The following WWOX variants were observed in gnomAD, a reference collection of about 807,000 sequenced individuals.
WWOX encodes WW domain containing oxidoreductase, also known as WW domain-containing oxidoreductase.
WWOX carries 69 observed loss-of-function variants against 46.2 expected under a neutral mutation model. The observed-to-expected ratio is 1.49, with a 90% CI of 1.23 to 1.82. The LOEUF (loss-of-function observed/expected upper bound fraction) is 1.82, where lower values mean the gene tolerates loss of function less well. Ranked by LOEUF, WWOX falls within the 40% of genes most tolerant of loss-of-function variation. WWOX has a pLI of 0.00. For synonymous variants in WWOX, 359 were observed against 202.6 expected (o/e 1.77, Z -6.56); for missense variants, 919 against 542.6 (o/e 1.69, Z -6.89).
intron 5 of WWOX, among the ~76,000 whole-genome samples, chr16:78,203,373 G>T (rs2036291841): frequency 6.6e-6 from 1 of 152,102 alleles, no homozygotes; most frequent in Non-Finnish European, 1.5e-5. Context: ...TGATGGGTAG[G>T]TTCATTCAAA....
At chr16:78,891,352 A>G (rs2044586872) in intron 8 of WWOX, 3 of 152,052 alleles carry the variant, frequency 2.0e-5, no homozygotes. Context: ...ACTCTAAACG[A>G]TTGCGCTTCA....
chr16:78,360,803 T>A (rs1041126036), intron 5 of WWOX, among the ~76,000 whole-genome samples: 2 of 143,686 alleles, frequency 1.4e-5, no homozygotes, highest in African/African-American at 5.3e-5. Flanking sequence ...ATTTAATTGT[T>A]GTATCTCCTT....
chr16:78,711,867 C>G (rs1336595979), intron 8 of WWOX, among the ~76,000 whole-genome samples: 3 of 152,170 alleles, frequency 2.0e-5, no homozygotes, highest in South Asian at 2.1e-4. Flanking sequence ...ACACATCTTA[C>G]AAATTCCCTC....
At position 78,607,159 on chromosome 16, in the gene WWOX, C is replaced by G. The variant is rs143979055; in HGVS notation, c.1056+174407C>G. Among the ~76,000 whole-genome samples, 1,378 of 152,056 alleles carry G rather than the reference C, an allele frequency of 9.1e-3. 9 individuals are homozygous for G. Among genetic ancestry groups the G allele is most frequent in the Non-Finnish European group, 0.015 (1,036 of 67,974 alleles). ...TTAGTTAAAATACAAAATGAGAAAA[C>G]AGAAAACACAATAAATACACAGTTA... On this transcript the variant is annotated intron_variant, in intron 8 of 8. Coordinates refer to ENST00000566780, the MANE Select transcript of WWOX (RefSeq NM_016373.4).
At chr16:78,840,982 TG>T (rs2052126237) in intron 8 of WWOX, among the ~76,000 whole-genome samples, 1 of 152,100 alleles carries the variant, frequency 6.6e-6, no homozygotes, top group African/African-American at 2.4e-5. Context: ...TGGTGGCCTT[TG>T]GCACTTAGCA....
At chr16:78,181,769 T>G (rs974073227) in intron 5 of WWOX, among the ~76,000 whole-genome samples, 33 of 152,350 alleles carry the variant, frequency 2.2e-4, no homozygotes, top group Non-Finnish European at 4.3e-4. Context: ...TTCATTTATG[T>G]TGGATTATTG....
intron 8 of WWOX, among the ~76,000 whole-genome samples, chr16:78,929,380 T>C (rs1486698479): frequency 6.6e-6 from 1 of 152,142 alleles, no homozygotes; most frequent in East Asian, 1.9e-4. Context: ...GCTTGCCTTA[T>C]TTTTATAACA....
Position 78,358,979 on chromosome 16 carries a change from A to C in WWOX, c.517-27881A>C, listed in dbSNP as rs562257332. Among the ~76,000 whole-genome samples the C allele has an allele frequency of 2.6e-5, 4 of 151,490 alleles. No individual in the cohort carries two copies. In the South Asian group the frequency reaches 8.3e-4, roughly 32 times the overall value. On this transcript the variant is annotated intron_variant, in intron 5 of 8. Transcript: ENST00000566780. ...ACATTATAGCTTCATAACTTAGTAAATTAATCCCTTATTGCTGGGCACAGA... is the reference window on the plus strand; with the variant it reads ...ACATTATAGCTTCATAACTTAGTAACTTAATCCCTTATTGCTGGGCACAGA...
At chr16:78,910,419 G>C (rs967242944) in intron 8 of WWOX, among the ~76,000 whole-genome samples, 1 of 151,948 alleles carries the variant, frequency 6.6e-6, no homozygotes, top group African/African-American at 2.4e-5. Flanking sequence ...CGTGTTATGG[G>C]GGTTGTTCCT....
chr16:78,791,947 A>G (rs1047847483), intron 8 of WWOX, among the ~76,000 whole-genome samples: 1 of 152,196 alleles, frequency 6.6e-6, no homozygotes, highest in Non-Finnish European at 1.5e-5. Context: ...CCTTCTCTTC[A>G]CAAGTTTTTC....
intron 5 of WWOX, among the ~76,000 whole-genome samples, chr16:78,283,256 G>A (rs1052806292): frequency 1.3e-5 from 2 of 152,202 alleles, no homozygotes; most frequent in East Asian, 3.9e-4. Context: ...AAGGAGGAAC[G>A]ATGCAGACAC....
chr16:78,482,889 A>G (rs141233534), intron 8 of WWOX, among the ~76,000 whole-genome samples: 1 of 152,304 alleles, frequency 6.6e-6, no homozygotes, highest in African/African-American at 2.4e-5. Flanking sequence ...ACATGGTACA[A>G]TCTGTTAAAA....
chr16:78,669,633 T>C (rs2047414183), intron 8 of WWOX, among the ~76,000 whole-genome samples: 1 of 152,234 alleles, frequency 6.6e-6, no homozygotes, highest in East Asian at 1.9e-4. Flanking sequence ...CAGTTTCAGA[T>C]ATCCAACACA....
Position 78,853,345 on chromosome 16 carries a change from T to G in WWOX, c.1057-358263T>G, listed in dbSNP as rs548233053. Among the ~76,000 whole-genome samples the G allele has an allele frequency of 6.6e-5, 10 of 152,304 alleles. No individual in the cohort carries two copies. The South Asian group carries it at 2.1e-3, about 32-fold the overall frequency. ...AAGCAATTCTTCTGCCTCAGCCTGCTGGGATTACAGGCGCATGCCACGAAG... is the reference window on the plus strand; with the variant it reads ...AAGCAATTCTTCTGCCTCAGCCTGCGGGGATTACAGGCGCATGCCACGAAG... On this transcript the variant is annotated intron_variant, in intron 8 of 8. Transcript: ENST00000566780.
At chr16:78,597,135 T>C (rs1041816359) in intron 8 of WWOX, among the ~76,000 whole-genome samples, 1 of 152,136 alleles carries the variant, frequency 6.6e-6, no homozygotes, top group Non-Finnish European at 1.5e-5. Flanking sequence ...TATTGCTTTG[T>C]TTATTTTAGC....
At chr16:79,161,154 C>A (rs956745367) in intron 8 of WWOX, among the ~76,000 whole-genome samples, 7 of 152,290 alleles carry the variant, frequency 4.6e-5, no homozygotes, top group Middle Eastern at 3.4e-3. Context: ...TCTGGACTCA[C>A]TTCCAGGATA....
Position 78,859,983 on chromosome 16 carries a change from A to G in WWOX, c.1057-351625A>G, listed in dbSNP as rs2052678062. The stretch of plus-strand genomic sequence containing the variant: ...GGTGACATATCCAGATAGCTATAGC[A>G]AATAGCTATAATGCCTTAGATAAAT... On this transcript the variant is annotated intron_variant, in intron 8 of 8. Coordinates refer to ENST00000566780, the MANE Select transcript of WWOX (RefSeq NM_016373.4). 2.6e-5 allele frequency among the ~76,000 whole-genome samples: 4 copies of G among 152,232 alleles called. No individual in the cohort carries two copies. The South Asian group carries it at 8.3e-4, about 31-fold the overall frequency.
At chr16:78,370,418 T>A (rs550818303) in intron 5 of WWOX, among the ~76,000 whole-genome samples, 43 of 152,214 alleles carry the variant, frequency 2.8e-4, no homozygotes, top group African/African-American at 8.9e-4. Context: ...AAATATCAAA[T>A]TCAAAATACC....
intron 5 of WWOX, among the ~76,000 whole-genome samples, chr16:78,376,803 A>G (rs1433685588): frequency 1.3e-5 from 2 of 152,190 alleles, no homozygotes; most frequent in South Asian, 2.1e-4. Context: ...CTCTGCTCAC[A>G]CTGGGCTATC....
Sources: allele counts gnomAD v4.1 joint callset (sites outside exome capture counted in the v4.1 genomes callset), GRCh38; gene constraint gnomAD v4.1.1; transcripts MANE v1.5; gene names NCBI Gene and HGNC (gene_info 2026-07-23, HGNC 2026-07-21).